Variants in FSTL1 observed in about 807,000 individuals in gnomAD.
FSTL1 encodes the protein follistatin like 1, also known as follistatin-related protein 1.
FSTL1 carries 24 observed loss-of-function variants against 45.9 expected under a neutral mutation model. That is an observed-to-expected ratio of 0.52 (90% CI 0.38 to 0.74). The LOEUF (loss-of-function observed/expected upper bound fraction) is 0.74. FSTL1 is among the 30% of genes least tolerant of loss of function. The probability of loss-of-function intolerance (pLI) is 0.00; values close to 1 mark genes in which losing one functional copy is unlikely to be tolerated. For synonymous variants in FSTL1, 120 were observed against 137.6 expected, an observed-to-expected ratio of 0.87 and a Z score of 0.89; for missense variants, 340 against 381.8, an observed-to-expected ratio of 0.89 and a Z score of 0.91.
At chr3:120,411,593 A>C (rs1295454492) in intron 4 of FSTL1, among the ~76,000 whole-genome samples, 1 of 152,270 alleles carries the variant, frequency 6.6e-6, no homozygotes, top group African/African-American at 2.4e-5. Context: ...CACCCTATCT[A>C]CTATCCAGCT....
At chr3:120,412,814 ACATGTGCGCGCGCGCGCGCGCGCG>A (rs1395001949) in intron 3 of FSTL1, among the ~76,000 whole-genome samples, 64 of 92,302 alleles carry the variant, frequency 6.9e-4, no homozygotes, top group Middle Eastern at 5.1e-3. Flanking sequence ...AAACACACAC[ACATGTGCGCGCGCGCGCGCGCGCG>A]CACACACACA....
Position 120,433,968 on chromosome 3 carries a change from A to C in FSTL1, c.63+16716T>G, listed in dbSNP as rs574078228. Among the ~76,000 whole-genome samples, 8 of 152,352 alleles carry C rather than the reference A, an allele frequency of 5.3e-5. No individual in the cohort carries two copies. The South Asian group carries it at 1.7e-3, about 32-fold the overall frequency. ...AAAGGTACTGATAAGTCTGTATTTT[A>C]TTCTTAATGCAATGGATGTCACTGG... On this transcript the variant is annotated intron_variant, in intron 2 of 10. Transcript: ENST00000295633.
At chr3:120,422,698 A>AT (rs573790628) in intron 2 of FSTL1, among the ~76,000 whole-genome samples, 7,038 of 145,548 alleles carry the variant, frequency 0.048, 155 homozygotes, top group Middle Eastern at 0.072. Context: ...TCAATCAATA[A>AT]TTTTTTTTTT....
At chr3:120,412,443 C>A (rs1354229781) in intron 3 of FSTL1, among the ~76,000 whole-genome samples, 1 of 152,186 alleles carries the variant, frequency 6.6e-6, no homozygotes, top group Non-Finnish European at 1.5e-5. Flanking sequence ...GTGAGGATGC[C>A]ACATGCAAGG....
intron 2 of FSTL1, among the ~76,000 whole-genome samples, chr3:120,417,431 A>G (rs568213704): frequency 9.4e-4 from 143 of 152,286 alleles, no homozygotes; most frequent in Middle Eastern, 3.4e-3. Context: ...CAGGGCTCCC[A>G]TTGGTCTAGA....
chr3:120,411,793 T>C, intron 4 of FSTL1, 61 bp downstream of exon 4: 2 of 1,494,348 alleles, frequency 1.3e-6, no homozygotes, highest in South Asian at 2.4e-5. Flanking sequence ...CAGGCCACAC[T>C]GCTCTGTTCC....
At chr3:120,412,818 G>GCA (rs1937089062) in intron 3 of FSTL1, among the ~76,000 whole-genome samples, 1 of 48,970 alleles carries the variant, frequency 2.0e-5, no homozygotes, top group Admixed American at 2.2e-4. Flanking sequence ...ACACACACAT[G>GCA]TGCGCGCGCG....
chr3:120,416,455 G>A (rs1396126158), intron 2 of FSTL1, among the ~76,000 whole-genome samples: 1 of 152,214 alleles, frequency 6.6e-6, no homozygotes, highest in Non-Finnish European at 1.5e-5. Context: ...GGAAGTGCAA[G>A]AACAGGATCA....
intron 2 of FSTL1, among the ~76,000 whole-genome samples, chr3:120,438,676 A>G (rs756599126): frequency 6.6e-6 from 1 of 152,186 alleles, no homozygotes; most frequent in Non-Finnish European, 1.5e-5. Flanking sequence ...TCAAAGCTGC[A>G]TTTTAGAGCC....
intron 2 of FSTL1, among the ~76,000 whole-genome samples, chr3:120,434,830 A>G (rs1937524865): frequency 6.6e-6 from 1 of 152,216 alleles, no homozygotes; most frequent in African/African-American, 2.4e-5. Context: ...ACCTTTGTAG[A>G]CATCATCTCC....
intron 2 of FSTL1, among the ~76,000 whole-genome samples, chr3:120,432,133 T>C (rs1937488340): frequency 6.6e-6 from 1 of 152,218 alleles, no homozygotes; most frequent in South Asian, 2.1e-4. Flanking sequence ...ATGGACAAAT[T>C]TGGCAATGAG....
Position 120,399,355 on chromosome 3 carries a change from C to T in FSTL1, c.882+528G>A, listed in dbSNP as rs150084062. ...TCTTCTTGAGTCTCTGGGAAGGAGA[C>T]TCTTTGTTAACCCCAGGCTATTTTC... On this transcript the variant is annotated intron_variant, in intron 10 of 10. Transcript: ENST00000295633. Among the ~76,000 whole-genome samples the T allele has an allele frequency of 3.4e-4, 52 of 152,316 alleles. No individual in the cohort carries two copies. In the East Asian group the frequency reaches 9.3e-3, roughly 27 times the overall value.
intron 7 of FSTL1, among the ~76,000 whole-genome samples, chr3:120,404,466 T>A (rs1320658433): frequency 1.3e-5 from 2 of 152,232 alleles, no homozygotes; most frequent in African/African-American, 2.4e-5. Context: ...ATAGCACTAA[T>A]TATCTAAAAA....
chr3:120,411,506 A>G (rs1428944818), intron 4 of FSTL1, among the ~76,000 whole-genome samples: 1 of 152,242 alleles, frequency 6.6e-6, no homozygotes, highest in African/African-American at 2.4e-5. Flanking sequence ...GGGAAAAGTG[A>G]AACTTACCTA....
chr3:120,407,701 A>G (rs1335005422), intron 6 of FSTL1, among the ~76,000 whole-genome samples: 1 of 152,228 alleles, frequency 6.6e-6, no homozygotes, highest in African/African-American at 2.4e-5. Flanking sequence ...AGCAGCATGT[A>G]AGACTCTGAT....
chr3:120,412,850 A>G (rs917511093), intron 3 of FSTL1, among the ~76,000 whole-genome samples: 10 of 150,934 alleles, frequency 6.6e-5, no homozygotes, highest in East Asian at 4.0e-4. Context: ...ACACACACAC[A>G]CACACACACA....
At chr3:120,412,830 GCGCGCGCGCACACACACA>G (rs1242745583) in intron 3 of FSTL1, among the ~76,000 whole-genome samples, 3 of 81,916 alleles carry the variant, frequency 3.7e-5, no homozygotes, top group East Asian at 3.2e-4. Context: ...GCGCGCGCGC[GCGCGCGCGCACACACACA>G]CACACACACA....
intron 2 of FSTL1, among the ~76,000 whole-genome samples, chr3:120,448,580 C>T (rs1248350725): frequency 6.6e-6 from 1 of 152,162 alleles, no homozygotes; most frequent in Non-Finnish European, 1.5e-5. Context: ...CATACCTACC[C>T]CTCACTCTTT....
chr3:120,414,698 C>A (rs573050940), intron 3 of FSTL1, among the ~76,000 whole-genome samples: 1 of 151,638 alleles, frequency 6.6e-6, no homozygotes, highest in East Asian at 1.9e-4. Context: ...TACCCCCAAC[C>A]CTGTGCTCTC....
Sources: allele counts gnomAD v4.1 joint callset (sites outside exome capture counted in the v4.1 genomes callset), GRCh38; gene constraint gnomAD v4.1.1; transcripts MANE v1.5; gene names NCBI Gene and HGNC (gene_info 2026-07-23, HGNC 2026-07-21).